Variants in SGCZ observed in about 807,000 individuals in gnomAD.
The protein encoded by SGCZ is zeta-sarcoglycan.
In SGCZ, 40 loss-of-function variants were observed where a neutral mutation model predicts 41.3. The observed-to-expected ratio is 0.97, with a 90% CI of 0.75 to 1.26. The LOEUF (loss-of-function observed/expected upper bound fraction) is 1.26, where lower values mean the gene tolerates loss of function less well. SGCZ is among the 50% of genes most tolerant of loss of function. The pLI is 0.00. For missense variants in SGCZ, 552 were observed against 369.8 expected (o/e 1.49, Z -4.04); for synonymous variants, 206 against 137.5 (o/e 1.50, Z -3.49).
chr8:14,427,061 T>TGAGTGAATGAAC (rs1563322003), intron 2 of SGCZ, among the ~76,000 whole-genome samples: 72 of 95,566 alleles, frequency 7.5e-4, no homozygotes, highest in African/African-American at 2.1e-3. Flanking sequence ...AATGAATGAA[T>TGAGTGAATGAAC]GAATGAGTGA....
chr8:15,065,752 C>T (rs930316802), intron 1 of SGCZ, among the ~76,000 whole-genome samples: 9 of 152,086 alleles, frequency 5.9e-5, no homozygotes, highest in African/African-American at 2.2e-4. Flanking sequence ...ATTCTTGAGT[C>T]ACTTATCCAA....
chr8:14,428,168 A>G (rs895918523), intron 2 of SGCZ, among the ~76,000 whole-genome samples: 1 of 148,888 alleles, frequency 6.7e-6, no homozygotes, highest in African/African-American at 2.5e-5. Context: ...ACACACATAC[A>G]CACATGCATA....
At chr8:14,423,361 A>C (rs1041750380) in intron 2 of SGCZ, among the ~76,000 whole-genome samples, 1 of 152,162 alleles carries the variant, frequency 6.6e-6, no homozygotes, top group Non-Finnish European at 1.5e-5. Flanking sequence ...TTAATTTTTT[A>C]AAGATCTTAT....
rs180995031 is a variant in SGCZ at position 14,321,138 on chromosome 8, G to C, written c.336+2965C>G. Among the ~76,000 whole-genome samples the C allele has an allele frequency of 6.8e-4, 103 of 152,074 alleles. 2 individuals are homozygous for C. The highest frequency in any genetic ancestry group is 2.2e-3 in the African/African-American group (91 of 41,516). On this transcript the variant is annotated intron_variant, in intron 3 of 7. Transcript: ENST00000382080. ...AACTAGCCCAGATTACACATCTTTT[G>C]TATTGTTCTTGTCTGAATAGTATTA...
intron 1 of SGCZ, among the ~76,000 whole-genome samples, chr8:15,121,124 C>T (rs775471309): frequency 4.6e-5 from 7 of 152,170 alleles, no homozygotes; most frequent in Non-Finnish European, 1.0e-4. Context: ...TTAGTATTCG[C>T]ACTCAATGTA....
intron 1 of SGCZ, among the ~76,000 whole-genome samples, chr8:15,085,096 C>T (rs866389399): frequency 1.4e-4 from 21 of 152,116 alleles, no homozygotes; most frequent in African/African-American, 5.1e-4. Flanking sequence ...ATTATCCTGG[C>T]TTTGATGAAG....
chr8:15,131,847 G>A (rs144278332), intron 1 of SGCZ, among the ~76,000 whole-genome samples: 1 of 152,154 alleles, frequency 6.6e-6, no homozygotes, highest in Non-Finnish European at 1.5e-5. Context: ...TTTGGTGGAG[G>A]TGAAATGTGT....
chr8:14,229,675 A>T (rs1278162827), intron 4 of SGCZ, among the ~76,000 whole-genome samples: 1 of 152,078 alleles, frequency 6.6e-6, no homozygotes, highest in East Asian at 1.9e-4. Context: ...AGTCAATTAA[A>T]AAAAACATAA....
intron 1 of SGCZ, among the ~76,000 whole-genome samples, chr8:14,740,691 C>T (rs566105421): frequency 1.2e-4 from 19 of 152,002 alleles, no homozygotes; most frequent in South Asian, 8.3e-4. Flanking sequence ...TGCTGGAGTG[C>T]TTATGCCATA....
chr8:15,155,013 C>T lies in SGCZ; in HGVS notation c.39+82572G>A, dbSNP rs1463616682. Among the ~76,000 whole-genome samples the T allele has an allele frequency of 2.0e-5, 3 of 152,238 alleles. No homozygotes were observed. In the East Asian group the frequency reaches 5.8e-4, roughly 29 times the overall value. ...AACACCAAGAAATGATAAATGCAGC[C>T]AAGCATGGTAGCTCACCCCTGAGAT... On this transcript the variant is annotated intron_variant, in intron 1 of 7. Transcript: ENST00000382080.
intron 5 of SGCZ, among the ~76,000 whole-genome samples, chr8:14,121,667 A>C (rs1276763618): frequency 6.6e-6 from 1 of 152,170 alleles, no homozygotes; most frequent in Non-Finnish European, 1.5e-5. Context: ...TTGTCAGTTC[A>C]CTACACAGTG....
At chr8:14,612,658 G>C (rs915119757) in intron 1 of SGCZ, among the ~76,000 whole-genome samples, 1 of 151,948 alleles carries the variant, frequency 6.6e-6, no homozygotes, top group Non-Finnish European at 1.5e-5. Flanking sequence ...ACAGGAAGGA[G>C]TTGTGTTTTT....
intron 5 of SGCZ, among the ~76,000 whole-genome samples, chr8:14,144,662 G>A (rs138399427): frequency 4.6e-5 from 7 of 151,434 alleles, no homozygotes; most frequent in African/African-American, 1.7e-4. Flanking sequence ...TGGGTGTAGA[G>A]CACCAAGCAG....
chr8:14,318,616 T>C (rs761163795), intron 3 of SGCZ, among the ~76,000 whole-genome samples: 3 of 151,890 alleles, frequency 2.0e-5, no homozygotes, highest in Non-Finnish European at 2.9e-5. Context: ...GGAAGTATTC[T>C]ACAGGAGAGA....
chr8:14,524,536 C>G (rs915191362), intron 2 of SGCZ, among the ~76,000 whole-genome samples: 1 of 151,980 alleles, frequency 6.6e-6, no homozygotes, highest in East Asian at 1.9e-4. Context: ...TACAAAGGTA[C>G]GAAGAGCTCA....
chr8:15,076,322 G>A (rs1805529204), intron 1 of SGCZ, among the ~76,000 whole-genome samples: 1 of 152,126 alleles, frequency 6.6e-6, no homozygotes, highest in Non-Finnish European at 1.5e-5. Context: ...GGTAAACACA[G>A]AGGCTACAAA....
intron 2 of SGCZ, among the ~76,000 whole-genome samples, chr8:14,348,672 T>C (rs1802977127): frequency 6.6e-6 from 1 of 152,106 alleles, no homozygotes. Context: ...GAACGCACAT[T>C]ATAGTTGGAA....
At chr8:14,290,829 C>T (rs1800814937) in intron 3 of SGCZ, among the ~76,000 whole-genome samples, 1 of 152,052 alleles carries the variant, frequency 6.6e-6, no homozygotes, top group Non-Finnish European at 1.5e-5. Context: ...ACCAACCATA[C>T]CACTACTGCA....
chr8:14,550,803 A>C (rs756742919), intron 2 of SGCZ, among the ~76,000 whole-genome samples: 6 of 152,044 alleles, frequency 3.9e-5, no homozygotes, highest in Admixed American at 6.6e-5. Flanking sequence ...TTCAGGGTTT[A>C]AGCAGATGCC....
Sources: gnomAD v4.1 joint callset for allele counts (sites outside exome capture counted in the v4.1 genomes callset) on GRCh38, gnomAD v4.1.1 for gene constraint, MANE v1.5 for transcripts, NCBI Gene and HGNC (gene_info 2026-07-23, HGNC 2026-07-21) for gene names.